Variants in AGMO observed in about 807,000 individuals in gnomAD.
AGMO encodes alkylglycerol monooxygenase.
Under a neutral mutation model 60.2 loss-of-function variants are expected in AGMO, and 75 were observed. The observed-to-expected ratio is 1.25, with a 90% CI of 1.03 to 1.51. The LOEUF (loss-of-function observed/expected upper bound fraction) is 1.51, where lower values mean the gene tolerates loss of function less well. Ranked by LOEUF, AGMO falls within the 40% of genes most tolerant of loss-of-function variation. The pLI, the probability that AGMO is intolerant of heterozygous loss-of-function variation, is 0.00. For missense variants in AGMO, 763 were observed against 525.5 expected, an observed-to-expected ratio of 1.45 and a Z score of -4.42; for synonymous variants, 261 against 177.1, an observed-to-expected ratio of 1.47 and a Z score of -3.76.
chr7:15,392,115 G>C (rs183990543), intron 6 of AGMO, among the ~76,000 whole-genome samples: 2 of 151,862 alleles, frequency 1.3e-5, no homozygotes, highest in African/African-American at 4.8e-5. Flanking sequence ...TGTTGTCCAG[G>C]CTGGAGTGCA....
At chr7:15,353,622 GAA>G (rs1782341882) in intron 12 of AGMO, among the ~76,000 whole-genome samples, 1 of 152,028 alleles carries the variant, frequency 6.6e-6, no homozygotes, top group Non-Finnish European at 1.5e-5. Context: ...AAATTTTTCC[GAA>G]AACACCTATG....
chr7:15,264,057 A>G (rs1783360879), intron 12 of AGMO, among the ~76,000 whole-genome samples: 1 of 151,990 alleles, frequency 6.6e-6, no homozygotes, highest in Non-Finnish European at 1.5e-5. Context: ...GTAAAAACCT[A>G]TTGAAATAAA....
In AGMO at chr7:15,414,437, G is replaced by A. The variant is rs186302695; in HGVS notation, c.609+4121C>T. On this transcript the variant is annotated intron_variant, in intron 5 of 12. Coordinates refer to ENST00000342526, the MANE Select transcript of AGMO (RefSeq NM_001004320.2). ...ATTATATTAATTCAAGGTAAGATAT[G>A]ATAGGAATGCATATTTAATCCCTAG... Among the ~76,000 whole-genome samples, 25 of 151,784 alleles carry A rather than the reference G, an allele frequency of 1.6e-4. No individual in the cohort carries two copies. In the East Asian group the frequency reaches 4.8e-3, roughly 29 times the overall value.
intron 3 of AGMO, among the ~76,000 whole-genome samples, chr7:15,456,546 T>C (rs758070081): frequency 2.0e-5 from 3 of 152,118 alleles, no homozygotes; most frequent in Non-Finnish European, 4.4e-5. Flanking sequence ...ATCCACAAGA[T>C]CAGGGGATCT....
intron 12 of AGMO, among the ~76,000 whole-genome samples, chr7:15,287,849 G>C (rs1293611019): frequency 1.3e-5 from 2 of 151,902 alleles, no homozygotes; most frequent in African/African-American, 4.8e-5. Flanking sequence ...AATGTAAAAA[G>C]AATTTTCTCC....
At chr7:15,246,560 T>C (rs1782748917) in intron 12 of AGMO, among the ~76,000 whole-genome samples, 1 of 152,158 alleles carries the variant, frequency 6.6e-6, no homozygotes, top group African/African-American at 2.4e-5. Flanking sequence ...TAGCCCCAAA[T>C]ATACATCCCC....
At chr7:15,331,545 T>G (rs554520341) in intron 12 of AGMO, among the ~76,000 whole-genome samples, 2 of 152,308 alleles carry the variant, frequency 1.3e-5, no homozygotes, top group East Asian at 1.9e-4. Context: ...GTAAAGATTT[T>G]TGCACTCTGC....
intron 10 of AGMO, among the ~76,000 whole-genome samples, chr7:15,378,974 T>TTA (rs1783568495): frequency 1.3e-5 from 2 of 151,912 alleles, no homozygotes; most frequent in Non-Finnish European, 1.5e-5. Context: ...AACCATACAA[T>TTA]TACATGGAAA....
the AGMO span, among the ~76,000 whole-genome samples, chr7:15,164,610 CGT>C: frequency 1.2e-3 from 182 of 152,056 alleles, no homozygotes; most frequent in African/African-American, 4.1e-3. Flanking sequence ...AGCCAACAAA[CGT>C]ATGAAAAAAT....
intron 5 of AGMO, chr7:15,396,654 C>T (rs1784401558): frequency 6.6e-6 from 1 of 151,044 alleles, no homozygotes; most frequent in African/African-American, 2.4e-5. Context: ...GATTGGTCCA[C>T]TTTACAGAGA....
intron 10 of AGMO, among the ~76,000 whole-genome samples, chr7:15,373,272 T>A (rs994678246): frequency 6.6e-6 from 1 of 151,110 alleles, no homozygotes; most frequent in African/African-American, 2.4e-5. Flanking sequence ...AGTGATATTC[T>A]GTCTCAAAAA....
intron 12 of AGMO, among the ~76,000 whole-genome samples, chr7:15,293,400 T>C (rs58100114): frequency 2.0e-5 from 3 of 152,080 alleles, no homozygotes; most frequent in Admixed American, 6.5e-5. Flanking sequence ...CCGGGCGGGT[T>C]AGGTAAGGTG....
chr7:15,196,714 T>A (rs145300486), downstream of AGMO, among the ~76,000 whole-genome samples: 535 of 151,946 alleles, frequency 3.5e-3, 1 homozygote, highest in African/African-American at 0.012. Context: ...GCAAAGACTG[T>A]GTCTTCCTGG....
chr7:15,139,766 G>A, the AGMO span, among the ~76,000 whole-genome samples: 1 of 143,470 alleles, frequency 7.0e-6, no homozygotes, highest in Admixed American at 7.2e-5. Flanking sequence ...ATATTCCTTT[G>A]CACCACTGCA....
At chr7:15,354,456 ACACACGTGTGTGTATACACACGTGTG>A (rs1782421442) in intron 12 of AGMO, among the ~76,000 whole-genome samples, 2 of 8,620 alleles carry the variant, frequency 2.3e-4, no homozygotes, top group Admixed American at 1.9e-3. Flanking sequence ...GTGTGTGTAT[ACACACGTGTGTGTATACACACGTGTG>A]TATATACACA....
At chr7:15,245,353 A>G (rs1782710945) in intron 12 of AGMO, among the ~76,000 whole-genome samples, 1 of 152,126 alleles carries the variant, frequency 6.6e-6, no homozygotes, top group Admixed American at 6.5e-5. Flanking sequence ...ACCAGGGGAA[A>G]TGCTAAGGAT....
At chr7:15,401,308 T>G (rs1279495826) in intron 5 of AGMO, among the ~76,000 whole-genome samples, 1 of 152,182 alleles carries the variant, frequency 6.6e-6, no homozygotes, top group African/African-American at 2.4e-5. Context: ...TCATAATTAT[T>G]TCTCTTGATT....
At chr7:15,322,195 A>G (rs1306675607) in intron 12 of AGMO, among the ~76,000 whole-genome samples, 1 of 150,706 alleles carries the variant, frequency 6.6e-6, no homozygotes, top group African/African-American at 2.4e-5. Flanking sequence ...TTACTAGAAG[A>G]TAATTTACAT....
the AGMO span, among the ~76,000 whole-genome samples, chr7:15,134,174 TC>T: frequency 6.6e-6 from 1 of 152,112 alleles, no homozygotes; most frequent in Non-Finnish European, 1.5e-5. Flanking sequence ...TTTTCTTTTT[TC>T]TTTTCTGAGA....
Sources: gnomAD v4.1 joint callset for allele counts (sites outside exome capture counted in the v4.1 genomes callset) on GRCh38, gnomAD v4.1.1 for gene constraint, MANE v1.5 for transcripts, NCBI Gene and HGNC (gene_info 2026-07-23, HGNC 2026-07-21) for gene names.